Variants in TTN observed in about 807,000 individuals in gnomAD.
TTN encodes the protein connectin.
Under a neutral mutation model 3,223.0 loss-of-function variants are expected in TTN, and 1,525 were observed. The observed-to-expected ratio is 0.47, with a 90% CI of 0.45 to 0.49. TTN has a LOEUF of 0.49. Ranked by LOEUF, TTN falls within the 20% of genes least tolerant of loss-of-function variation. The probability of loss-of-function intolerance (pLI) is 0.00; values close to 1 mark genes in which losing one functional copy is unlikely to be tolerated. For synonymous variants in TTN, 14,094 were observed against 15,161.0 expected, an observed-to-expected ratio of 0.93 and a Z score of 5.17; for missense variants, 40,786 against 43,424.0, an observed-to-expected ratio of 0.94 and a Z score of 5.40.
intron 323 of TTN, 40 bp downstream of exon 323, chr2:178,577,561 GC>G: frequency 3.9e-6 from 6 of 1,548,274 alleles, no homozygotes; most frequent in Non-Finnish European, 5.2e-6. Flanking sequence ...GGCTTAATTT[GC>G]TTTAAAAAAA....
intron 228 of TTN, among the ~76,000 whole-genome samples, 154 bp from the exon 229 acceptor site, chr2:178,635,003 G>A (rs1025829744): frequency 6.6e-6 from 1 of 152,058 alleles, no homozygotes; most frequent in Non-Finnish European, 1.5e-5. Flanking sequence ...AATTGTTCAA[G>A]TTGTCCCCAA....
At chr2:178,747,106 G>A (rs983561114) in intron 47 of TTN, 5 of 1,609,172 alleles carry the variant, frequency 3.1e-6, no homozygotes, top group Admixed American at 1.7e-5. Context: ...TCTCTCCTGG[G>A]GGTGTGGAGT....
chr2:178,618,920 A>G, intron 250 of TTN, 67 bp from the exon 251 acceptor site: 1 of 1,547,092 alleles, frequency 6.5e-7, no homozygotes, highest in Non-Finnish European at 8.7e-7. Flanking sequence ...TCATGTTATT[A>G]TGCATTTATT....
Position 178,530,964 on chromosome 2 carries a change from A to C in TTN, c.105651T>G (p.Thr35217=). ...TTTCAGTTACCCTGGCCTTTTGAAT[A>C]GTCAGAGTGAACTCTGCTTCTTGTT... ...EGKQEAEFTL[T]IQKARVTEKA... Residue 35217 remains threonine, a synonymous_variant, in exon 358 of 363, where the codon ACT becomes ACG. Transcript: ENST00000589042. 6.2e-7 allele frequency: 1 copy of C among 1,613,938 alleles called. No individual in the cohort carries two copies. Among genetic ancestry groups the C allele is most frequent in the East Asian group, 2.2e-5 (1 of 44,876 alleles).
chr2:178,651,374 C>A, intron 207 of TTN, 54 bp from the exon 208 acceptor site: 1 of 1,601,540 alleles, frequency 6.2e-7, no homozygotes. Context: ...AAACATTCAT[C>A]ACATTTACAC....
rs755717335 is a variant in TTN, at chr2:178,543,369, C to A, written c.96604G>T (p.Val32202Leu). The stretch of plus-strand genomic sequence containing the variant: ...TCTAGCTTTGCAGGCACCAAAGGCA[C>A]TTCTGAGACCAGTACTGCATCAGAT... ...ETSDAVLVSE[V>L]PLVPAKLEVV... Residue 32202 changes from valine to leucine, a missense_variant, in exon 347 of 363, where the codon GTG becomes TTG. Transcript: ENST00000589042. 74 of 1,613,764 alleles carry A rather than the reference C, an allele frequency of 4.6e-5. No individual in the cohort carries two copies. The highest frequency in any genetic ancestry group is 6.2e-5 in the Non-Finnish European group (73 of 1,179,832).
chr2:178,541,496 A>G lies in TTN; in HGVS notation c.97581T>C (p.Gly32527=), dbSNP rs1274240480. 6.2e-7 allele frequency: 1 copy of G among 1,613,474 alleles called. No homozygotes were observed. The highest frequency in any genetic ancestry group is 8.5e-7 in the Non-Finnish European group (1 of 1,179,598). Residue 32527 remains glycine (G), a synonymous_variant, in exon 350 of 363, where the codon GGT becomes GGC. Transcript: ENST00000589042. The part of the protein sequence containing the change: ...TLTWYPPEDD[G]GSQVTGYIVE... ...CAATATATCCAGTCACTTGGGAGCC[A>G]CCGTCATCCTCTGGTGGGTACCAAG... is the stretch of plus-strand genomic sequence containing the variant.
Position 178,583,601 on chromosome 2 carries a change from T to A in TTN, c.65575+6A>T, listed in dbSNP as rs2048272596. 1.3e-6 allele frequency: 2 copies of A among 1,589,612 alleles called. No individual in the cohort carries two copies. The highest frequency in any genetic ancestry group is 1.7e-6 in the Non-Finnish European group (2 of 1,165,944). Reference sequence around the variant, plus strand: ...TCTTTGCCTATAATACTCAGCAGAATCTTACCATTTTCTGCGAGGATAGTC... The same window carrying A: ...TCTTTGCCTATAATACTCAGCAGAAACTTACCATTTTCTGCGAGGATAGTC... On this transcript the variant is annotated splice_donor_region_variant and intron_variant, in intron 312 of 362. Transcript: ENST00000589042.
chr2:178,630,767 C>T (rs771490019), intron 238 of TTN, 37 bp downstream of exon 238: 1 of 1,581,466 alleles, frequency 6.3e-7, no homozygotes, highest in Non-Finnish European at 8.6e-7. Context: ...ATTCACACAG[C>T]TCCTTTAGGT....
chr2:178,751,806 T>A lies in TTN; in HGVS notation c.11311+1318A>T, dbSNP rs184293990. The A allele has an allele frequency of 3.1e-5, 50 of 1,613,008 alleles. No homozygotes were observed. The East Asian group carries it at 1.1e-3, about 35-fold the overall frequency. ...TTATGAAACCAAGTCATTTCTGGAGTTGGACAGGCAATTAATCTACATGTA... is the reference window on the plus strand; with the variant it reads ...TTATGAAACCAAGTCATTTCTGGAGATGGACAGGCAATTAATCTACATGTA... On this transcript the variant is annotated intron_variant, in intron 47 of 362. Transcript: ENST00000589042.
At chr2:178,583,523 G>T in intron 312 of TTN, 84 bp downstream of exon 312, 3 of 1,330,144 alleles carry the variant, frequency 2.3e-6, no homozygotes, top group African/African-American at 1.5e-5. Flanking sequence ...TTTTTCCTTA[G>T]GTGTATATTT....
chr2:178,696,057 CATA>C lies in TTN; in HGVS notation c.31012_31014del (p.Tyr10338del). 1 of 1,551,116 alleles carries C rather than the reference CATA, an allele frequency of 6.4e-7. No individual in the cohort carries two copies. ...TCTTCATAGTCTTCATCTGGTTCTT[CATA>C]ATAAGGTTGTTCAAATGGCTCTGTG... On this transcript the variant is annotated inframe_deletion, in exon 114 of 363. Transcript: ENST00000589042.
chr2:178,751,261 CATT>C, intron 47 of TTN: 1 of 1,608,696 alleles, frequency 6.2e-7, no homozygotes. Context: ...TCTTTTTCTC[CATT>C]AATGTTTTTC....
At chr2:178,625,140 A>G in intron 241 of TTN, 133 bp downstream of exon 241, 1 of 1,306,594 alleles carries the variant, frequency 7.7e-7, no homozygotes, top group Admixed American at 2.7e-5. Context: ...TATGCTAAAA[A>G]GTAAAATCAG....
At chr2:178,747,708 C>T in intron 47 of TTN, 4 of 1,612,204 alleles carry the variant, frequency 2.5e-6, no homozygotes, top group Non-Finnish European at 3.4e-6. Context: ...GATTCTGCTG[C>T]CTCAGTGGTA....
intron 239 of TTN, 77 bp downstream of exon 239, chr2:178,630,164 G>A (rs2154219849): frequency 4.4e-6 from 7 of 1,583,404 alleles, no homozygotes; most frequent in Non-Finnish European, 6.0e-6. Context: ...TAATAAAATA[G>A]GTCCAATTAA....
rs753717922 is a variant in TTN at position 178,581,621 on chromosome 2, C to A, written c.66647G>T (p.Arg22216Leu). ...CNLPQNLQKT[R>L]FEVTGLMEDT... ...TTCCATCAGGCCAGTAACCTCAAAG[C>A]GGGTTTTCTGTAGATTCTGTGGTAA... The change falls in exon 316 of 363, where the codon CGC (arginine) becomes CTC (leucine). Residue 22216 changes from arginine to leucine, a missense_variant. Physicochemically the swap from Arg to Leu is moderately radical, Grantham distance 102. Coordinates refer to ENST00000589042, the MANE Select transcript of TTN (RefSeq NM_001267550.2). The A allele has an allele frequency of 2.5e-6, 4 of 1,612,730 alleles. No individual in the cohort carries two copies. Among genetic ancestry groups the A allele is most frequent in the Non-Finnish European group, 3.4e-6 (4 of 1,179,212 alleles).
rs753961168 is a variant in TTN at position 178,777,452 on chromosome 2, C to A, written c.4613G>T (p.Arg1538Ile). 3 of 1,613,832 alleles carry A rather than the reference C, an allele frequency of 1.9e-6. No individual in the cohort carries two copies. Among genetic ancestry groups the A allele is most frequent in the South Asian group, 1.1e-5 (1 of 91,068 alleles). Reference sequence around the variant, plus strand: ...AGTTAAAATCACTGAAATTGAAGATCTGCCTGCCCTGTTTTGGGCAACCAC... The same window carrying A: ...AGTTAAAATCACTGAAATTGAAGATATGCCTGCCCTGTTTTGGGCAACCAC... ...WTVVAQNRAG[R>I]SSISVILTVE... The change falls in exon 26 of 363, where the codon AGA (arginine) becomes ATA (isoleucine). Residue 1538 changes from arginine to isoleucine, a missense_variant. Coordinates refer to ENST00000589042, the MANE Select transcript of TTN (RefSeq NM_001267550.2).
chr2:178,530,801 T>C lies in TTN; in HGVS notation c.105814A>G (p.Thr35272Ala), dbSNP rs1257348745. ...AGGTGCTGAACTTTCTCTGTTGGTGTTGGTTTTGTCTCTGTGGGTGATACG... is the reference window on the plus strand; with the variant it reads ...AGGTGCTGAACTTTCTCTGTTGGTGCTGGTTTTGTCTCTGTGGGTGATACG... ...KAVSPTETKP[T>A]PTEKVQHLPV... The change falls in exon 358 of 363, where the codon ACA becomes GCA. Residue 35272 changes from threonine to alanine, a missense_variant. Transcript: ENST00000589042. 1.2e-6 allele frequency: 2 copies of C among 1,613,732 alleles called. No homozygotes were observed. Among genetic ancestry groups the C allele is most frequent in the African/African-American group, 2.7e-5 (2 of 74,860 alleles).
Sources: gnomAD v4.1 joint callset for allele counts (sites outside exome capture counted in the v4.1 genomes callset) on GRCh38, gnomAD v4.1.1 for gene constraint, MANE v1.5 for transcripts, NCBI Gene and HGNC (gene_info 2026-07-23, HGNC 2026-07-21) for gene names.